RGS7BP: variants seen among roughly 807,000 people sequenced by gnomAD.
RGS7BP encodes the protein regulator of G protein signaling 7-binding protein.
A neutral mutation model predicts 31.3 loss-of-function variants in RGS7BP; 9 were observed. That is an observed-to-expected ratio of 0.29 (90% CI 0.17 to 0.50). The LOEUF is 0.50. Ranked by LOEUF, RGS7BP falls within the 20% of genes least tolerant of loss-of-function variation. The pLI, the probability that RGS7BP is intolerant of heterozygous loss-of-function variation, is 0.98. For synonymous variants in RGS7BP, 115 were observed against 120.1 expected (o/e 0.96, Z 0.28); for missense variants, 274 against 322.0 (o/e 0.85, Z 1.14).
rs991568245 is a variant in RGS7BP at position 64,528,837 on chromosome 5, A to C, written c.332+20960A>C. Among the ~76,000 whole-genome samples the C allele has an allele frequency of 3.3e-3, 433 of 131,990 alleles. 5 individuals are homozygous for C. Among genetic ancestry groups the C allele is most frequent in the African/African-American group, 0.012 (419 of 35,062 alleles). The allele number at this position is 131,990 out of a possible 152,430, so 86.6% of individuals were successfully genotyped here. ...AAAAAAAAAAAAAAAAAAAAAAAAA[A>C]GTGGGAGGGAGGATAATAATGGCAC... On this transcript the variant is annotated intron_variant, in intron 2 of 5. Transcript: ENST00000334025.
At chr5:64,512,452 T>C (rs1386764173) in intron 2 of RGS7BP, among the ~76,000 whole-genome samples, 1 of 152,212 alleles carries the variant, frequency 6.6e-6, no homozygotes, top group East Asian at 1.9e-4. Context: ...TGTGCTGCTA[T>C]TCACATGTAG....
chr5:64,520,949 A>G (rs1404678427), intron 2 of RGS7BP, among the ~76,000 whole-genome samples: 1 of 152,258 alleles, frequency 6.6e-6, no homozygotes, highest in African/African-American at 2.4e-5. Flanking sequence ...TTATCAGACC[A>G]ATCTCAAAAA....
At chr5:64,569,064 C>T (rs1330680538) in intron 2 of RGS7BP, among the ~76,000 whole-genome samples, 4 of 152,118 alleles carry the variant, frequency 2.6e-5, no homozygotes, top group Admixed American at 6.6e-5. Context: ...AAAGAAAATT[C>T]CATTGCACTT....
At chr5:64,590,787 T>G (rs1260252177) in intron 3 of RGS7BP, among the ~76,000 whole-genome samples, 3 of 151,992 alleles carry the variant, frequency 2.0e-5, no homozygotes, top group Admixed American at 2.0e-4. Flanking sequence ...GATAAACAAA[T>G]AAATATAAAA....
In RGS7BP at chr5:64,591,980, CA is replaced by C. The variant is rs555872674; in HGVS notation, c.464-2727del. ...GAGATGAGTGTGGGGCTGGGAACAGCAAACAATAAACTAGTAAGCAAATACA... is the reference window on the plus strand; with the variant it reads ...GAGATGAGTGTGGGGCTGGGAACAGCAACAATAAACTAGTAAGCAAATACA... On this transcript the variant is annotated intron_variant, in intron 3 of 5. Transcript: ENST00000334025. Among the ~76,000 whole-genome samples the C allele has an allele frequency of 3.4e-3, 516 of 152,176 alleles. 4 individuals carry two copies. The highest frequency in any genetic ancestry group is 0.012 in the African/African-American group (501 of 41,534).
intron 2 of RGS7BP, among the ~76,000 whole-genome samples, chr5:64,538,494 CCTTTT>C (rs1458969892): frequency 6.4e-5 from 8 of 124,152 alleles, no homozygotes; most frequent in African/African-American, 2.2e-4. Flanking sequence ...CATTTTTTTT[CCTTTT>C]CTTTTCTTTT....
rs1190060159 is a variant in RGS7BP at position 64,609,435 on chromosome 5, G to GA, written c.*191dup. The GA allele has an allele frequency of 1.1e-4, 60 of 547,558 alleles. No individual in the cohort carries two copies. Among genetic ancestry groups the GA allele is most frequent in the Middle Eastern group, 2.8e-4 (1 of 3,546 alleles). The allele number at this position is 547,558 out of a possible 1,614,324, so 33.9% of individuals were successfully genotyped here. The stretch of plus-strand genomic sequence containing the variant: ...TACACTTGAAAGCAGCTGCCGTCAA[G>GA]AAAAAAAAGAACAGATTCAAAAACC... On this transcript the variant is annotated 3_prime_UTR_variant, in exon 6 of 6. Coordinates refer to ENST00000334025, the MANE Select transcript of RGS7BP (RefSeq NM_001029875.3).
intron 2 of RGS7BP, among the ~76,000 whole-genome samples, chr5:64,568,333 G>A (rs947081941): frequency 4.9e-4 from 74 of 151,964 alleles, no homozygotes; most frequent in East Asian, 1.9e-4. Context: ...TTGCCCAACC[G>A]GAAACCATAA....
intron 2 of RGS7BP, among the ~76,000 whole-genome samples, chr5:64,537,287 A>G (rs1353689974): frequency 6.6e-6 from 1 of 152,096 alleles, no homozygotes; most frequent in Non-Finnish European, 1.5e-5. Flanking sequence ...GCAAAAATAA[A>G]TCTCATAATG....
intron 4 of RGS7BP, among the ~76,000 whole-genome samples, chr5:64,596,057 G>GA (rs539239398): frequency 6.6e-6 from 1 of 152,240 alleles, no homozygotes; most frequent in South Asian, 2.1e-4. Flanking sequence ...TGTTCCCAGG[G>GA]AAAAAAATAT....
At chr5:64,565,111 G>A (rs79708225) in intron 2 of RGS7BP, among the ~76,000 whole-genome samples, 35 of 152,132 alleles carry the variant, frequency 2.3e-4, no homozygotes, top group East Asian at 1.9e-3. Flanking sequence ...ATCTTTTTCC[G>A]TACATAACCA....
At chr5:64,530,288 C>T (rs1749337100) in intron 2 of RGS7BP, among the ~76,000 whole-genome samples, 1 of 152,152 alleles carries the variant, frequency 6.6e-6, no homozygotes, top group African/African-American at 2.4e-5. Flanking sequence ...TTTCATCTCC[C>T]AGGTTTATCT....
At chr5:64,586,099 C>T (rs1742743745) in intron 3 of RGS7BP, among the ~76,000 whole-genome samples, 1 of 152,094 alleles carries the variant, frequency 6.6e-6, no homozygotes, top group Non-Finnish European at 1.5e-5. Context: ...GCCTCTTTTC[C>T]AAGAAGAAGG....
intron 2 of RGS7BP, among the ~76,000 whole-genome samples, chr5:64,547,063 G>C (rs1741676033): frequency 6.6e-6 from 1 of 152,160 alleles, no homozygotes; most frequent in African/African-American, 2.4e-5. Context: ...TCCATGTGTT[G>C]CAAGTAGCAG....
intron 3 of RGS7BP, 138 bp from the exon 4 acceptor site, chr5:64,594,572 A>G: frequency 1.4e-6 from 1 of 740,710 alleles, no homozygotes; most frequent in Non-Finnish European, 2.3e-6. Flanking sequence ...TAATTATTTT[A>G]TTACTCAGAA....
At chr5:64,582,227 A>G (rs146400387) in intron 3 of RGS7BP, among the ~76,000 whole-genome samples, 1 of 152,288 alleles carries the variant, frequency 6.6e-6, no homozygotes, top group African/African-American at 2.4e-5. Context: ...CACCAGATGA[A>G]AAGAGATTGC....
chr5:64,605,388 C>T, intron 5 of RGS7BP, among the ~76,000 whole-genome samples: 1 of 152,070 alleles, frequency 6.6e-6, no homozygotes, highest in Non-Finnish European at 1.5e-5. Flanking sequence ...CAGTGGTTCT[C>T]ATAGGGTGGT....
intron 4 of RGS7BP, among the ~76,000 whole-genome samples, chr5:64,597,979 C>A (rs1743119538): frequency 6.6e-6 from 1 of 152,176 alleles, no homozygotes; most frequent in Admixed American, 6.5e-5. Flanking sequence ...AGCACCATCA[C>A]CCAGCCTCAA....
rs541704237 is a variant in RGS7BP at position 64,564,503 on chromosome 5, T to C, written c.333-11271T>C. Among the ~76,000 whole-genome samples the C allele has an allele frequency of 2.6e-5, 4 of 152,326 alleles. No individual in the cohort carries two copies. In the East Asian group the frequency reaches 7.7e-4, roughly 29 times the overall value. ...GCTTTTTAATAATTATTTTCAGTTA[T>C]AATTCACGATTTATGAGAAGGGTAC... On this transcript the variant is annotated intron_variant, in intron 2 of 5. Coordinates refer to ENST00000334025, the MANE Select transcript of RGS7BP (RefSeq NM_001029875.3).
Sources: gnomAD v4.1 joint callset for allele counts (sites outside exome capture counted in the v4.1 genomes callset) on GRCh38, gnomAD v4.1.1 for gene constraint, MANE v1.5 for transcripts, NCBI Gene and HGNC (gene_info 2026-07-23, HGNC 2026-07-21) for gene names.